Variants in GRM8 observed in about 807,000 individuals in gnomAD.
GRM8 encodes the protein glutamate metabotropic receptor 8.
GRM8 carries 47 observed loss-of-function variants against 87.2 expected under a neutral mutation model. The ratio of observed to expected loss-of-function variants is 0.54; its 90% CI spans 0.43 to 0.69. The LOEUF (loss-of-function observed/expected upper bound fraction) is 0.69. Ranked by LOEUF, GRM8 falls within the 30% of genes least tolerant of loss-of-function variation. The pLI is 0.00. For missense variants in GRM8, 1,019 were observed against 1,139.2 expected (o/e 0.89, Z 1.52); for synonymous variants, 396 against 404.5 (o/e 0.98, Z 0.25).
In GRM8 at chr7:126,622,450, C is replaced by T. The variant is rs565414896; in HGVS notation, c.1358-12952G>A. Among the ~76,000 whole-genome samples, 3 of 152,212 alleles carry T rather than the reference C, an allele frequency of 2.0e-5. No individual in the cohort carries two copies. In the East Asian group the frequency reaches 5.8e-4, roughly 29 times the overall value. On this transcript the variant is annotated intron_variant, in intron 7 of 10. Coordinates refer to ENST00000339582, the MANE Select transcript of GRM8 (RefSeq NM_000845.3). ...TTCCGGCTTGCTTCATACGTTTCCA[C>T]TGAGAAAAGACAGCAATACAAAAAC...
intron 9 of GRM8, among the ~76,000 whole-genome samples, chr7:126,509,351 C>G (rs1013008435): frequency 6.6e-6 from 1 of 151,846 alleles, no homozygotes; most frequent in Non-Finnish European, 1.5e-5. Context: ...CAATAAAGGT[C>G]ATTATTTTTG....
At chr7:126,742,282 A>AT (rs1050513104) in intron 7 of GRM8, among the ~76,000 whole-genome samples, 19 of 152,100 alleles carry the variant, frequency 1.2e-4, no homozygotes, top group Admixed American at 1.1e-3. Context: ...TTATTCTCAC[A>AT]TTTTTTAACT....
intron 3 of GRM8, among the ~76,000 whole-genome samples, chr7:126,914,589 T>TA (rs1191555592): frequency 6.6e-6 from 1 of 152,172 alleles, no homozygotes; most frequent in Non-Finnish European, 1.5e-5. Flanking sequence ...TATACAGCCA[T>TA]AAAAAAGAAT....
Position 126,664,468 on chromosome 7 carries a change from C to G in GRM8, c.1358-54970G>C, listed in dbSNP as rs185011529. ...AGACTAATGTAACAGAATAGGAAAC[C>G]CAGAAATAAAGTCATCCAATCTTCA... On this transcript the variant is annotated intron_variant, in intron 7 of 10. Coordinates refer to ENST00000339582, the MANE Select transcript of GRM8 (RefSeq NM_000845.3). Among the ~76,000 whole-genome samples the G allele has an allele frequency of 2.9e-3, 435 of 151,736 alleles. 5 individuals are homozygous for G. Among genetic ancestry groups the G allele is most frequent in the Middle Eastern group, 0.024 (7 of 294 alleles).
intron 7 of GRM8, among the ~76,000 whole-genome samples, chr7:126,744,103 T>G (rs1405513049): frequency 6.6e-6 from 1 of 151,920 alleles, no homozygotes; most frequent in Non-Finnish European, 1.5e-5. Flanking sequence ...AACCTTGATG[T>G]GTGAGTAAAA....
At chr7:126,672,081 A>C (rs79409921) in intron 7 of GRM8, among the ~76,000 whole-genome samples, 20,077 of 152,238 alleles carry the variant, frequency 0.13, 1,770 homozygotes, top group Non-Finnish European at 0.17. Flanking sequence ...TACCGATTAA[A>C]CCAACCCCAA....
chr7:126,908,608 A>C (rs1167831248), intron 3 of GRM8, among the ~76,000 whole-genome samples: 1 of 152,244 alleles, frequency 6.6e-6, no homozygotes, highest in African/African-American at 2.4e-5. Context: ...TTTCAGAAGA[A>C]GCAAACAAGC....
At chr7:127,035,950 C>A (rs1279326118) in intron 3 of GRM8, among the ~76,000 whole-genome samples, 2 of 152,164 alleles carry the variant, frequency 1.3e-5, no homozygotes, top group East Asian at 3.8e-4. Context: ...CTTCTGACTT[C>A]CGCTGTTACT....
intron 10 of GRM8, among the ~76,000 whole-genome samples, chr7:126,439,627 A>C (rs530635297): frequency 2.0e-5 from 3 of 152,250 alleles, no homozygotes; most frequent in African/African-American, 7.2e-5. Context: ...TTTAAAGTAG[A>C]CTTCTTCTAC....
intron 2 of GRM8, chr7:127,229,783 T>A (rs1195898610): frequency 2.0e-5 from 3 of 152,240 alleles, no homozygotes; most frequent in Admixed American, 2.0e-4. Flanking sequence ...CGACCACCTT[T>A]TGAAACTGAG....
At chr7:126,658,710 G>A (rs939710314) in intron 7 of GRM8, among the ~76,000 whole-genome samples, 8 of 151,738 alleles carry the variant, frequency 5.3e-5, no homozygotes, top group African/African-American at 1.9e-4. Flanking sequence ...TAAGGAACTG[G>A]AATGGAGGAA....
chr7:126,599,983 A>T (rs1797577953), intron 8 of GRM8, among the ~76,000 whole-genome samples: 1 of 152,114 alleles, frequency 6.6e-6, no homozygotes. Flanking sequence ...GGACGAATGG[A>T]TGCTTTTTCA....
chr7:126,912,573 G>A (rs11762807), intron 3 of GRM8, among the ~76,000 whole-genome samples: 23,167 of 152,190 alleles, frequency 0.15, 2,023 homozygotes, highest in Non-Finnish European at 0.21. Context: ...TGAATCATCA[G>A]ACTTGGGCCA....
At chr7:127,069,947 T>G (rs547328621) in intron 3 of GRM8, among the ~76,000 whole-genome samples, 1 of 152,340 alleles carries the variant, frequency 6.6e-6, no homozygotes, top group Admixed American at 6.5e-5. Context: ...AAATGTTAAT[T>G]ATTTTCCTTC....
chr7:126,685,131 G>A lies in GRM8; in HGVS notation c.1358-75633C>T, dbSNP rs1808023382. Among the ~76,000 whole-genome samples, 1 of 152,200 alleles carries A rather than the reference G, an allele frequency of 6.6e-6. No homozygotes were observed. Among genetic ancestry groups the A allele is most frequent in the Non-Finnish European group, 1.5e-5 (1 of 68,030 alleles). On this transcript the variant is annotated intron_variant, in intron 7 of 10. Transcript: ENST00000339582. The surrounding 1 kb of genome is among the most constrained non-coding windows in gnomAD (Gnocchi z 4.2). ...CCCACTCCAGGCCCCGGCCCCGCTTGCCACTCTTGACAGCCACTGCTATGG... is the reference window on the plus strand; with the variant it reads ...CCCACTCCAGGCCCCGGCCCCGCTTACCACTCTTGACAGCCACTGCTATGG...
intron 9 of GRM8, among the ~76,000 whole-genome samples, chr7:126,524,694 C>A (rs1462725336): frequency 1.3e-5 from 2 of 151,848 alleles, no homozygotes; most frequent in East Asian, 3.9e-4. Context: ...TCATATTTTC[C>A]TTTTTTTCAC....
chr7:126,574,995 TCTCTGGTGATTCCTTTTCC>T (rs1473173003), intron 8 of GRM8, among the ~76,000 whole-genome samples: 3 of 152,144 alleles, frequency 2.0e-5, no homozygotes, highest in African/African-American at 7.2e-5. Flanking sequence ...TGGCTCGAAT[TCTCTGGTGATTCCTTTTCC>T]CTCAGTTAAC....
intron 6 of GRM8, among the ~76,000 whole-genome samples, chr7:126,888,167 G>C: frequency 6.6e-6 from 1 of 152,082 alleles, no homozygotes; most frequent in East Asian, 1.9e-4. Flanking sequence ...ACACTCCTCA[G>C]GGTGCTGAAC....
At chr7:126,618,707 C>T (rs199844511) in intron 7 of GRM8, among the ~76,000 whole-genome samples, 1 of 152,006 alleles carries the variant, frequency 6.6e-6, no homozygotes, top group Admixed American at 6.6e-5. Context: ...TCAACAAGTG[C>T]GCAAAGGATA....
Sources: gnomAD v4.1 joint callset for allele counts (sites outside exome capture counted in the v4.1 genomes callset) on GRCh38, gnomAD v4.1.1 for gene constraint, Gnocchi (gnomAD v3.1) non-coding constraint, MANE v1.5 for transcripts, NCBI Gene and HGNC (gene_info 2026-07-23, HGNC 2026-07-21) for gene names.